LUZP2: variants seen among roughly 807,000 people sequenced by gnomAD.
LUZP2 encodes leucine zipper protein 2.
LUZP2 carries 52 observed loss-of-function variants against 51.6 expected under a neutral mutation model. The observed-to-expected ratio is 1.01, with a 90% confidence interval of 0.81 to 1.27. LUZP2 has a LOEUF of 1.27. Among genes scored for constraint, LUZP2 ranks in the 50% most tolerant of loss-of-function variants. The pLI, the probability that LUZP2 is intolerant of heterozygous loss-of-function variation, is 0.00. For synonymous variants in LUZP2, 154 were observed against 137.3 expected (o/e 1.12, Z -0.85); for missense variants, 436 against 395.4 (o/e 1.10, Z -0.87).
chr11:24,725,161 C>T (rs1412024172), intron 1 of LUZP2, among the ~76,000 whole-genome samples: 2 of 151,852 alleles, frequency 1.3e-5, no homozygotes, highest in Non-Finnish European at 2.9e-5. Context: ...ATGAAACTGT[C>T]AACAAAAACA....
chr11:24,630,673 C>CTTTTTTTTTTTTTTT (rs57556855), intron 1 of LUZP2, among the ~76,000 whole-genome samples: 1 of 131,658 alleles, frequency 7.6e-6, no homozygotes, highest in Non-Finnish European at 1.6e-5. Context: ...GCTATTCCGA[C>CTTTTTTTTTTTTTTT]TTTTTTTTTT....
chr11:24,983,103 T>C (rs1325237013), intron 8 of LUZP2, 23 bp from the exon 9 acceptor site: 1 of 1,608,716 alleles, frequency 6.2e-7, no homozygotes, highest in Non-Finnish European at 8.5e-7. Flanking sequence ...AATGTAAATA[T>C]GTTAATGCCT....
intron 9 of LUZP2, among the ~76,000 whole-genome samples, chr11:24,993,061 T>A (rs1417238726): frequency 6.6e-6 from 1 of 152,176 alleles, no homozygotes; most frequent in African/African-American, 2.4e-5. Flanking sequence ...AATTCAATAT[T>A]CTATTGATAT....
chr11:24,714,437 A>T (rs1857959473), intron 1 of LUZP2, among the ~76,000 whole-genome samples: 1 of 152,160 alleles, frequency 6.6e-6, no homozygotes, highest in Non-Finnish European at 1.5e-5. Context: ...GAATCAATTG[A>T]TCTGCTTGGG....
chr11:24,546,979 TGG>T (rs1851569570), intron 1 of LUZP2, among the ~76,000 whole-genome samples: 2 of 46,542 alleles, frequency 4.3e-5, no homozygotes, highest in Admixed American at 4.0e-4. Context: ...GTGGTGGTGG[TGG>T]TGGTGGTGGT....
chr11:24,832,420 C>A (rs1220395278), intron 5 of LUZP2, among the ~76,000 whole-genome samples: 1 of 151,826 alleles, frequency 6.6e-6, no homozygotes, highest in East Asian at 1.9e-4. Context: ...ATAACTATAA[C>A]AGGTTTTATT....
chr11:24,510,345 G>T (rs1340956984), intron 1 of LUZP2, among the ~76,000 whole-genome samples: 1 of 152,178 alleles, frequency 6.6e-6, no homozygotes, highest in Non-Finnish European at 1.5e-5. Flanking sequence ...GCAATGTTTG[G>T]CATGTTTTGC....
At chr11:25,046,705 A>C (rs1249053338) in intron 9 of LUZP2, among the ~76,000 whole-genome samples, 1 of 152,186 alleles carries the variant, frequency 6.6e-6, no homozygotes, top group African/African-American at 2.4e-5. Context: ...AAGAAGGTTA[A>C]TGTTCACCAA....
At chr11:25,043,796 A>G (rs1858157012) in intron 9 of LUZP2, among the ~76,000 whole-genome samples, 1 of 147,988 alleles carries the variant, frequency 6.8e-6, no homozygotes, top group African/African-American at 2.5e-5. Flanking sequence ...GTATATATAT[A>G]TCTGTCACAT....
chr11:25,072,502 G>A (rs1859186397), intron 10 of LUZP2, among the ~76,000 whole-genome samples: 1 of 152,030 alleles, frequency 6.6e-6, no homozygotes, highest in African/African-American at 2.4e-5. Flanking sequence ...TATTTCATTT[G>A]TGTGGCCAAA....
chr11:24,730,518 A>C (rs1365386973), intron 2 of LUZP2, among the ~76,000 whole-genome samples: 1 of 151,750 alleles, frequency 6.6e-6, no homozygotes, highest in East Asian at 1.9e-4. Context: ...ATTAGGGAAA[A>C]CTCACAAGGA....
At chr11:24,553,992 G>T (rs549836999) in intron 1 of LUZP2, among the ~76,000 whole-genome samples, 1 of 152,250 alleles carries the variant, frequency 6.6e-6, no homozygotes, top group Admixed American at 6.5e-5. Context: ...CGTGAGGGCT[G>T]GGAAACGGAC....
intron 4 of LUZP2, chr11:24,751,581 C>T: frequency 1.0e-6 from 1 of 982,880 alleles, no homozygotes; most frequent in Non-Finnish European, 1.2e-6. Context: ...CCCCATCTCC[C>T]TTAGATCCCC....
chr11:24,717,815 C>G (rs1858112506), intron 1 of LUZP2, among the ~76,000 whole-genome samples: 1 of 152,076 alleles, frequency 6.6e-6, no homozygotes, highest in South Asian at 2.1e-4. Flanking sequence ...GAGTTCTCAT[C>G]ATTTACCTCC....
chr11:25,010,984 T>A (rs1051247052), intron 9 of LUZP2, among the ~76,000 whole-genome samples: 2 of 152,204 alleles, frequency 1.3e-5, no homozygotes, highest in Admixed American at 6.6e-5. Flanking sequence ...TAAGTGAATA[T>A]CAATTGAGCG....
chr11:25,056,735 A>G (rs1858693735), intron 10 of LUZP2, among the ~76,000 whole-genome samples: 1 of 152,166 alleles, frequency 6.6e-6, no homozygotes, highest in Admixed American at 6.5e-5. Flanking sequence ...TTGGTCAGGT[A>G]AAGAGCCCAG....
In LUZP2 at chr11:24,755,011, T is replaced by A. The variant is rs185810961; in HGVS notation, c.334-8235T>A. 3.3e-3 allele frequency among the ~76,000 whole-genome samples: 506 copies of A among 152,006 alleles called. 4 individuals carry two copies. The highest frequency in any genetic ancestry group is 0.014 in the Middle Eastern group (4 of 294). On this transcript the variant is annotated intron_variant, in intron 4 of 11. Transcript: ENST00000336930. ...AAATACAAAATTTAGCTGGGCATAG[T>A]GGCGGGGCTTGTAATCCCAGCTACT...
rs537204312 is a variant in LUZP2, at chr11:24,817,955, A to G, written c.396+54647A>G. Among the ~76,000 whole-genome samples the G allele has an allele frequency of 2.0e-4, 30 of 152,156 alleles. No homozygotes were observed. The South Asian group carries it at 2.1e-3, about 11-fold the overall frequency. On this transcript the variant is annotated intron_variant, in intron 5 of 11. Transcript: ENST00000336930. ...TAAAATTTATTAGATTTTTATTGCTACGGGAAGGTTACATATGCTTATGAA... is the reference window on the plus strand; with the variant it reads ...TAAAATTTATTAGATTTTTATTGCTGCGGGAAGGTTACATATGCTTATGAA...
intron 5 of LUZP2, among the ~76,000 whole-genome samples, chr11:24,771,488 A>G (rs554521311): frequency 6.6e-6 from 1 of 150,412 alleles, no homozygotes; most frequent in African/African-American, 2.4e-5. Flanking sequence ...CTTCCATAGC[A>G]CATCATAGTT....
Sources: gnomAD v4.1 joint callset for allele counts (sites outside exome capture counted in the v4.1 genomes callset) on GRCh38, gnomAD v4.1.1 for gene constraint, MANE v1.5 for transcripts, NCBI Gene and HGNC (gene_info 2026-07-23, HGNC 2026-07-21) for gene names.